The following MIR2052HG variants were observed in gnomAD, a reference collection of about 807,000 sequenced individuals.
MIR2052HG encodes the protein MIR2052 host gene.
rs1384321112 is a variant in MIR2052HG, at chr8:74,699,665, A to G, written n.217-2714A>G. Among the ~76,000 whole-genome samples the G allele has an allele frequency of 3.3e-5, 5 of 152,176 alleles. No individual in the cohort carries two copies. The East Asian group carries it at 9.7e-4, about 29-fold the overall frequency. On this transcript the variant is annotated intron_variant and non_coding_transcript_variant, in intron 2 of 6. Transcript: ENST00000523442. ...GCTGGGAGGTGGGGCGAGGGATAAA[A>G]GACGACATATTGGGTACAGTGCACA...
chr8:74,652,106 G>A (rs1016893562), intron 2 of MIR2052HG, among the ~76,000 whole-genome samples: 2 of 152,128 alleles, frequency 1.3e-5, no homozygotes, highest in African/African-American at 4.8e-5. Flanking sequence ...TATCAACATA[G>A]GCTATAGCCT....
chr8:74,702,809 A>T (rs1220563888), intron 3 of MIR2052HG, among the ~76,000 whole-genome samples: 1 of 152,114 alleles, frequency 6.6e-6, no homozygotes, highest in Non-Finnish European at 1.5e-5. Flanking sequence ...GCTAAAGTTT[A>T]GATGCCCAAA....
intron 4 of MIR2052HG, among the ~76,000 whole-genome samples, chr8:74,743,905 G>A (rs1410540432): frequency 6.6e-6 from 1 of 152,170 alleles, no homozygotes; most frequent in Non-Finnish European, 1.5e-5. Flanking sequence ...ATCACCATGA[G>A]CAAGAGTCAG....
At chr8:74,609,496 A>G (rs1359255377) in intron 1 of MIR2052HG, among the ~76,000 whole-genome samples, 1 of 151,810 alleles carries the variant, frequency 6.6e-6, no homozygotes, top group Admixed American at 6.6e-5. Context: ...TTGCAAAGGA[A>G]GAAAATTGCA....
chr8:74,648,531 A>AC (rs1808717563), intron 2 of MIR2052HG, among the ~76,000 whole-genome samples: 2 of 152,028 alleles, frequency 1.3e-5, no homozygotes, highest in Admixed American at 6.6e-5. Context: ...CTGTTCGTAC[A>AC]CCCACTCCCC....
intron 4 of MIR2052HG, among the ~76,000 whole-genome samples, chr8:74,704,030 G>A (rs983257781): frequency 4.3e-4 from 65 of 152,012 alleles, no homozygotes; most frequent in African/African-American, 1.6e-3. Context: ...TGAGTAGGGT[G>A]GTAACTCTTT....
intron 2 of MIR2052HG, among the ~76,000 whole-genome samples, chr8:74,646,393 G>C (rs1379741346): frequency 6.6e-6 from 1 of 152,182 alleles, no homozygotes; most frequent in African/African-American, 2.4e-5. Context: ...CCATACTGGT[G>C]TTTGATTTGA....
At chr8:74,629,514 G>C (rs944402771) in intron 2 of MIR2052HG, among the ~76,000 whole-genome samples, 1 of 152,072 alleles carries the variant, frequency 6.6e-6, no homozygotes, top group African/African-American at 2.4e-5. Context: ...AAACAGCAAG[G>C]GGCCAGCCTT....
chr8:74,740,568 A>G (rs1261733547), intron 4 of MIR2052HG, among the ~76,000 whole-genome samples: 1 of 152,252 alleles, frequency 6.6e-6, no homozygotes, highest in African/African-American at 2.4e-5. Flanking sequence ...CTTATAGTTC[A>G]TTATGAAAAA....
intron 3 of MIR2052HG, chr8:74,702,468 C>T (rs1325716922): frequency 2.2e-6 from 1 of 450,664 alleles, no homozygotes; most frequent in South Asian, 1.6e-5. Context: ...TAAGTCAGTT[C>T]TTCTGAAGAC....
chr8:74,703,577 C>G, intron 3 of MIR2052HG: 1 of 438,074 alleles, frequency 2.3e-6, no homozygotes, highest in Non-Finnish European at 4.6e-6. Flanking sequence ...TTACTGTTAT[C>G]TCAGCTATAT....
At chr8:74,723,986 A>G (rs1310559704) in intron 4 of MIR2052HG, among the ~76,000 whole-genome samples, 1 of 152,186 alleles carries the variant, frequency 6.6e-6, no homozygotes, top group Non-Finnish European at 1.5e-5. Context: ...CCAGCATTTA[A>G]ACTTTCAGGG....
At chr8:74,699,682 C>T (rs1476818594) in intron 2 of MIR2052HG, among the ~76,000 whole-genome samples, 2 of 151,956 alleles carry the variant, frequency 1.3e-5, no homozygotes, top group African/African-American at 4.8e-5. Context: ...ATATTGGGTA[C>T]AGTGCACACT....
chr8:74,672,072 G>A lies in MIR2052HG; in HGVS notation n.217-30307G>A, dbSNP rs75881582. On this transcript the variant is annotated intron_variant and non_coding_transcript_variant, in intron 2 of 6. Coordinates refer to ENST00000523442, the Ensembl canonical transcript of MIR2052HG. ...CCCTGCTAATTGTAAATATCAAATTGCATTGGCAGAATATGGCTACCCAGT... is the reference window on the plus strand; with the variant it reads ...CCCTGCTAATTGTAAATATCAAATTACATTGGCAGAATATGGCTACCCAGT... Among the ~76,000 whole-genome samples the A allele has an allele frequency of 9.3e-3, 1,422 of 152,164 alleles. 26 individuals are homozygous for A. The highest frequency in any genetic ancestry group is 0.032 in the African/African-American group (1,347 of 41,540).
intron 2 of MIR2052HG, among the ~76,000 whole-genome samples, chr8:74,650,186 A>G (rs759212079): frequency 1.4e-4 from 22 of 152,184 alleles, no homozygotes; most frequent in Non-Finnish European, 2.6e-4. Flanking sequence ...CACCACAATC[A>G]GGATATGTAA....
chr8:74,695,801 A>C (rs1405526927), intron 2 of MIR2052HG, among the ~76,000 whole-genome samples: 2 of 152,160 alleles, frequency 1.3e-5, no homozygotes, highest in Non-Finnish European at 2.9e-5. Context: ...TGCACTTAAC[A>C]CTGGAGCTCC....
chr8:74,678,349 A>G (rs1809077787), intron 2 of MIR2052HG, among the ~76,000 whole-genome samples: 1 of 152,192 alleles, frequency 6.6e-6, no homozygotes, highest in Non-Finnish European at 1.5e-5. Flanking sequence ...GCCTGAGGTC[A>G]GGAGTTCGAG....
intron 5 of MIR2052HG, among the ~76,000 whole-genome samples, chr8:74,755,383 C>T (rs909469845): frequency 2.6e-5 from 4 of 152,258 alleles, no homozygotes; most frequent in African/African-American, 4.8e-5. Flanking sequence ...ACCACAAATA[C>T]GCGGTTTCAG....
At chr8:74,626,819 T>C (rs921413587) in intron 2 of MIR2052HG, among the ~76,000 whole-genome samples, 1 of 152,230 alleles carries the variant, frequency 6.6e-6, no homozygotes, top group Non-Finnish European at 1.5e-5. Context: ...CCCAGTACGT[T>C]GTCTACACTG....
Sources: allele counts gnomAD v4.1 joint callset (sites outside exome capture counted in the v4.1 genomes callset), GRCh38; gene constraint gnomAD v4.1.1; transcripts MANE v1.5; gene names NCBI Gene and HGNC (gene_info 2026-07-23, HGNC 2026-07-21).